The following UTRN variants were observed in gnomAD, a reference collection of about 807,000 sequenced individuals.
UTRN encodes dystrophin-related protein 1.
A neutral mutation model predicts 463.9 loss-of-function variants in UTRN; 283 were observed. The observed-to-expected ratio is 0.61, with a 90% CI of 0.55 to 0.67. UTRN has a LOEUF of 0.67. UTRN is among the 30% of genes least tolerant of loss of function. The probability of loss-of-function intolerance (pLI) is 0.00; values close to 1 mark genes in which losing one functional copy is unlikely to be tolerated. For missense variants in UTRN, 3,922 were observed against 4,084.3 expected (o/e 0.96, Z 1.08); for synonymous variants, 1,442 against 1,431.5 (o/e 1.01, Z -0.17).
At chr6:144,381,734 C>T (rs1274184923) in intron 2 of UTRN, among the ~76,000 whole-genome samples, 1 of 152,202 alleles carries the variant, frequency 6.6e-6, no homozygotes, top group African/African-American at 2.4e-5. Flanking sequence ...TGACTTGCTC[C>T]TCCTTGCCTT....
Position 144,781,929 on chromosome 6 carries a change from C to T in UTRN, c.8640C>T (p.Leu2880=). The T allele has an allele frequency of 6.2e-7, 1 of 1,613,548 alleles. No individual in the cohort carries two copies. The highest frequency in any genetic ancestry group is 8.5e-7 in the Non-Finnish European group (1 of 1,179,684). ...RRLQKALCLD[L]LELSTTNEIF... ...TTCTTCTCTCCTGGTTAGTGGATCT[C>T]TTAGAGTTGAGTACAACAAATGAAA... The change falls in exon 61 of 75, where the codon CTC becomes CTT. Residue 2880 remains leucine (L), a synonymous_variant. Transcript: ENST00000367545.
intron 23 of UTRN, among the ~76,000 whole-genome samples, chr6:144,472,934 A>G (rs963780054): frequency 1.3e-5 from 2 of 151,870 alleles, no homozygotes; most frequent in African/African-American, 2.4e-5. Flanking sequence ...GCCCCCAGCT[A>G]ATTTTTGTAT....
At chr6:144,600,551 A>G (rs1804137880) in intron 51 of UTRN, among the ~76,000 whole-genome samples, 1 of 152,238 alleles carries the variant, frequency 6.6e-6, no homozygotes, top group Non-Finnish European at 1.5e-5. Flanking sequence ...AACTCTCTTC[A>G]ATTCTATGAA....
intron 51 of UTRN, chr6:144,583,366 T>C (rs1025020969): frequency 1.9e-6 from 1 of 537,082 alleles, no homozygotes; most frequent in Non-Finnish European, 3.4e-6. Flanking sequence ...CCTGTATCTT[T>C]CAAATGCTTT....
At chr6:144,340,186 A>AG (rs1777039667) in intron 2 of UTRN, among the ~76,000 whole-genome samples, 1 of 152,178 alleles carries the variant, frequency 6.6e-6, no homozygotes, top group South Asian at 2.1e-4. Flanking sequence ...AGAAAAAAAA[A>AG]GAAGAGTTAT....
At chr6:144,711,667 T>G (rs770542449) in intron 53 of UTRN, among the ~76,000 whole-genome samples, 2 of 152,250 alleles carry the variant, frequency 1.3e-5, no homozygotes, top group Non-Finnish European at 2.9e-5. Flanking sequence ...GGAGCAATTA[T>G]CAGAGCTCTA....
At chr6:144,651,113 G>A (rs989339439) in intron 51 of UTRN, among the ~76,000 whole-genome samples, 1 of 151,622 alleles carries the variant, frequency 6.6e-6, no homozygotes, top group Admixed American at 6.6e-5. Context: ...AAGTAATCAC[G>A]GTTTTTGCTG....
chr6:144,619,598 T>A (rs141570296), intron 51 of UTRN, among the ~76,000 whole-genome samples: 3 of 152,334 alleles, frequency 2.0e-5, no homozygotes, highest in East Asian at 3.9e-4. Flanking sequence ...TGTGATTTAT[T>A]TCTGGAGATG....
intron 18 of UTRN, among the ~76,000 whole-genome samples, chr6:144,452,890 C>G (rs1306981773): frequency 6.7e-6 from 1 of 149,342 alleles, no homozygotes; most frequent in Non-Finnish European, 1.5e-5. Flanking sequence ...TGCAGTGAGC[C>G]ATGATTGTGC....
chr6:144,456,923 A>G (rs1043163530), intron 19 of UTRN, among the ~76,000 whole-genome samples: 9 of 152,052 alleles, frequency 5.9e-5, no homozygotes, highest in Non-Finnish European at 1.2e-4. Context: ...TGATTCCAAT[A>G]GTGATAGACT....
intron 21 of UTRN, among the ~76,000 whole-genome samples, chr6:144,459,755 T>G (rs1411120683): frequency 6.6e-6 from 1 of 152,126 alleles, no homozygotes; most frequent in Non-Finnish European, 1.5e-5. Context: ...CATGCCTGGC[T>G]GGTTTTTTAT....
intron 51 of UTRN, among the ~76,000 whole-genome samples, chr6:144,615,282 A>G (rs181863497): frequency 6.8e-4 from 103 of 152,290 alleles, no homozygotes; most frequent in African/African-American, 2.4e-3. Flanking sequence ...TTACTTGGCC[A>G]TAATCACTAT....
At chr6:144,823,787 G>A (rs4895656) in intron 66 of UTRN, among the ~76,000 whole-genome samples, 16,600 of 152,156 alleles carry the variant, frequency 0.11, 1,615 homozygotes, top group Admixed American at 0.32. Flanking sequence ...TTCAAGGGTT[G>A]TGAGAATTAT....
At chr6:144,642,190 A>C (rs992284299) in intron 51 of UTRN, among the ~76,000 whole-genome samples, 2 of 152,226 alleles carry the variant, frequency 1.3e-5, no homozygotes, top group African/African-American at 4.8e-5. Flanking sequence ...GACTACTTAT[A>C]CAAATACCCA....
intron 51 of UTRN, among the ~76,000 whole-genome samples, chr6:144,650,419 T>C (rs372374306): frequency 2.6e-5 from 4 of 152,332 alleles, no homozygotes; most frequent in South Asian, 4.1e-4. Context: ...TCCAACTTGT[T>C]TTAAAGTTTC....
At chr6:144,483,277 C>A (rs1398917647) in intron 27 of UTRN, among the ~76,000 whole-genome samples, 2 of 152,118 alleles carry the variant, frequency 1.3e-5, no homozygotes, top group African/African-American at 4.8e-5. Context: ...GATCTGTCTG[C>A]TTCTTGGAAG....
chr6:144,557,089 C>G, intron 49 of UTRN, 68 bp from the exon 50 acceptor site: 2 of 1,531,806 alleles, frequency 1.3e-6, no homozygotes, highest in Non-Finnish European at 1.8e-6. Context: ...GCTGGGAGTA[C>G]CATTGTTTTG....
chr6:144,389,917 T>C (rs1219751236), intron 2 of UTRN, among the ~76,000 whole-genome samples: 1 of 152,164 alleles, frequency 6.6e-6, no homozygotes, highest in Non-Finnish European at 1.5e-5. Context: ...ATTACTCTTA[T>C]AATAATTCAG....
chr6:144,516,904 C>T lies in UTRN; in HGVS notation c.5497C>T (p.Arg1833Cys), dbSNP rs751513386. ...GGAAGATAATAAAAAAGAAAAGATC[C>T]GTTTGCAATTATTACTTTTGCATAC... ...PMEDNKKEKI[R>C]LQLLLLHTRY... The change falls in exon 39 of 75, where the codon CGT becomes TGT. Residue 1833 changes from arginine to cysteine, a missense_variant. Physicochemically the swap from Arg to Cys is radical, Grantham distance 180. Coordinates refer to ENST00000367545, the MANE Select transcript of UTRN (RefSeq NM_007124.3). 33 of 1,497,058 alleles carry T rather than the reference C, an allele frequency of 2.2e-5. No individual in the cohort carries two copies. In the Middle Eastern group the frequency reaches 6.0e-4, roughly 27 times the overall value. The allele number at this position is 1,497,058 out of a possible 1,614,324, so 92.7% of individuals were successfully genotyped here. A position where few individuals can be genotyped will look rare whatever the true frequency, so the allele number is the denominator to read the frequency against.
Sources: gnomAD v4.1 joint callset for allele counts (sites outside exome capture counted in the v4.1 genomes callset) on GRCh38, gnomAD v4.1.1 for gene constraint, MANE v1.5 for transcripts, NCBI Gene and HGNC (gene_info 2026-07-23, HGNC 2026-07-21) for gene names.